The following CTNNA2 variants were observed in gnomAD, a reference collection of about 807,000 sequenced individuals.
The protein encoded by CTNNA2 is catenin alpha 2.
In CTNNA2, 42 loss-of-function variants were observed where a neutral mutation model predicts 101.0. The observed-to-expected ratio is 0.42, with a 90% CI of 0.32 to 0.54. The LOEUF (loss-of-function observed/expected upper bound fraction) is 0.54. CTNNA2 is among the 20% of genes least tolerant of loss of function. The probability of loss-of-function intolerance (pLI) is 0.14; values close to 1 mark genes in which losing one functional copy is unlikely to be tolerated. For synonymous variants in CTNNA2, 450 were observed against 456.4 expected (o/e 0.99, Z 0.18); for missense variants, 871 against 1,223.1 (o/e 0.71, Z 4.29).
At chr2:79,621,480 G>A (rs1271716611) in intron 1 of CTNNA2, among the ~76,000 whole-genome samples, 1 of 152,212 alleles carries the variant, frequency 6.6e-6, no homozygotes. Flanking sequence ...TGTCAATTGC[G>A]AAATCTCCCA....
chr2:80,169,250 A>G (rs545554713), intron 7 of CTNNA2, among the ~76,000 whole-genome samples: 1 of 152,248 alleles, frequency 6.6e-6, no homozygotes, highest in African/African-American at 2.4e-5. Context: ...CTGGACATTG[A>G]TTTTAACTGG....
chr2:79,724,814 C>CA (rs60016527), intron 2 of CTNNA2, among the ~76,000 whole-genome samples: 3,663 of 73,384 alleles, frequency 0.05, 158 homozygotes, highest in African/African-American at 0.11. Flanking sequence ...GACTCCACCT[C>CA]AAAAAAAAAA....
At chr2:79,732,393 T>C (rs890046237) in intron 2 of CTNNA2, among the ~76,000 whole-genome samples, 14 of 152,166 alleles carry the variant, frequency 9.2e-5, no homozygotes, top group African/African-American at 3.4e-4. Context: ...GAAAAAAGTG[T>C]GTGAAAGCCA....
chr2:80,012,590 T>C (rs1693867695), intron 7 of CTNNA2, among the ~76,000 whole-genome samples: 1 of 152,218 alleles, frequency 6.6e-6, no homozygotes, highest in South Asian at 2.1e-4. Context: ...TGTCATGGCA[T>C]GAATGCAGCC....
chr2:79,701,225 G>C lies in CTNNA2; in HGVS notation c.103-43162G>C, dbSNP rs538918137. Among the ~76,000 whole-genome samples, 165 of 152,156 alleles carry C rather than the reference G, an allele frequency of 1.1e-3. 1 individual carries two copies. Among genetic ancestry groups the C allele is most frequent in the Admixed American group, 2.2e-3 (34 of 15,280 alleles). ...CTTGTATCCCACAGATGTGGAAATT[G>C]GGGTATAGAACACTTATACTACCTG... On this transcript the variant is annotated intron_variant, in intron 2 of 18. Coordinates refer to ENST00000402739, the MANE Select transcript of CTNNA2 (RefSeq NM_001282597.3).
chr2:79,629,174 G>A (rs567175823), intron 1 of CTNNA2, among the ~76,000 whole-genome samples: 4 of 151,968 alleles, frequency 2.6e-5, no homozygotes, highest in Non-Finnish European at 4.4e-5. Context: ...CATTTTTCTC[G>A]AAGTTTTTAT....
At chr2:80,168,867 T>C (rs1704866724) in intron 7 of CTNNA2, among the ~76,000 whole-genome samples, 7 of 152,162 alleles carry the variant, frequency 4.6e-5, no homozygotes, top group Non-Finnish European at 7.3e-5. Context: ...TCCAACCCAG[T>C]TGATTCCCGC....
intron 2 of CTNNA2, among the ~76,000 whole-genome samples, chr2:79,674,134 G>A (rs1372667969): frequency 2.6e-5 from 4 of 152,110 alleles, no homozygotes; most frequent in African/African-American, 7.2e-5. Flanking sequence ...TGCTCTGCAC[G>A]ATCTGAGACA....
At chr2:79,593,513 T>C (rs547294751) in intron 1 of CTNNA2, among the ~76,000 whole-genome samples, 5 of 152,272 alleles carry the variant, frequency 3.3e-5, no homozygotes, top group African/African-American at 9.6e-5. Flanking sequence ...TTCACTCCCA[T>C]TGCTCCAGCT....
At chr2:79,741,643 C>A (rs1278799671) in intron 2 of CTNNA2, among the ~76,000 whole-genome samples, 1 of 151,994 alleles carries the variant, frequency 6.6e-6, no homozygotes, top group Non-Finnish European at 1.5e-5. Flanking sequence ...TATTTAAAAC[C>A]ACATTTCTCC....
At chr2:79,725,654 C>G (rs541560960) in intron 2 of CTNNA2, among the ~76,000 whole-genome samples, 6 of 152,292 alleles carry the variant, frequency 3.9e-5, no homozygotes, top group East Asian at 3.9e-4. Flanking sequence ...AAGACTGTCT[C>G]TTGTCATTTC....
intron 2 of CTNNA2, among the ~76,000 whole-genome samples, chr2:79,681,050 G>A (rs1284002259): frequency 5.3e-5 from 8 of 152,186 alleles, no homozygotes; most frequent in African/African-American, 1.9e-4. Context: ...AGCTACTCAG[G>A]AGGCTGAGGT....
intron 15 of CTNNA2, among the ~76,000 whole-genome samples, chr2:80,602,241 T>C (rs1411264752): frequency 6.6e-6 from 1 of 152,034 alleles, no homozygotes; most frequent in East Asian, 1.9e-4. Context: ...TAGTCTCCGG[T>C]GTAATCAAAA....
At chr2:79,970,386 A>G (rs529676601) in intron 7 of CTNNA2, among the ~76,000 whole-genome samples, 8 of 152,186 alleles carry the variant, frequency 5.3e-5, no homozygotes, top group Non-Finnish European at 1.2e-4. Flanking sequence ...TGTGTCAAAG[A>G]GCCTGTCTTA....
intron 7 of CTNNA2, among the ~76,000 whole-genome samples, chr2:80,198,309 T>C (rs573536814): frequency 6.6e-6 from 1 of 152,296 alleles, no homozygotes; most frequent in African/African-American, 2.4e-5. Context: ...TTCAGATTTA[T>C]AGGAACATGG....
chr2:79,524,370 A>G (rs1161963009), intron 1 of CTNNA2, among the ~76,000 whole-genome samples: 4 of 151,864 alleles, frequency 2.6e-5, no homozygotes, highest in African/African-American at 7.2e-5. Flanking sequence ...CTAATAGGTT[A>G]TTGCTGATGT....
intron 3 of CTNNA2, among the ~76,000 whole-genome samples, chr2:79,835,662 C>CTTTTTTTT (rs1405806885): frequency 1.4e-5 from 1 of 72,916 alleles, no homozygotes; most frequent in African/African-American, 7.0e-5. Context: ...AATGGCCTCT[C>CTTTTTTTT]TTTGTTTTTT....
At chr2:80,134,063 G>A (rs1702558777) in intron 7 of CTNNA2, among the ~76,000 whole-genome samples, 1 of 152,074 alleles carries the variant, frequency 6.6e-6, no homozygotes, top group African/African-American at 2.4e-5. Context: ...TGCCATTATT[G>A]CTATTATTAT....
chr2:80,192,081 T>A (rs1324889283), intron 7 of CTNNA2, among the ~76,000 whole-genome samples: 1 of 152,204 alleles, frequency 6.6e-6, no homozygotes, highest in Non-Finnish European at 1.5e-5. Context: ...TTTTTCATCT[T>A]CAAAAAGAGT....
Sources: gnomAD v4.1 joint callset for allele counts (sites outside exome capture counted in the v4.1 genomes callset) on GRCh38, gnomAD v4.1.1 for gene constraint, MANE v1.5 for transcripts, NCBI Gene and HGNC (gene_info 2026-07-23, HGNC 2026-07-21) for gene names.